The following ARLN variants were observed in gnomAD, a reference collection of about 807,000 sequenced individuals.
ARLN encodes allregulin, also known as sarcoplasmic/endoplasmic reticulum calcium ATPase regulator ARLN.
At chr4:119,300,733 G>T in the ARLN span, 1 of 1,515,838 alleles carries the variant, frequency 6.6e-7, no homozygotes, top group Non-Finnish European at 8.8e-7. Flanking sequence ...CTCCGTGACC[G>T]CTGGCATGAA....
chr4:119,300,709 C>T, the ARLN span: 3 of 1,527,530 alleles, frequency 2.0e-6, no homozygotes, highest in East Asian at 2.5e-5. Flanking sequence ...GCGCCTGGCT[C>T]GGCTTTCCGC....
At chr4:119,304,280 C>T in the ARLN span, 14 of 1,536,748 alleles carry the variant, frequency 9.1e-6, no homozygotes, top group Non-Finnish European at 1.1e-5. Context: ...TTGTCTCCAC[C>T]TTCTATGTCA....
chr4:119,300,712 C>T, the ARLN span: 24 of 1,526,826 alleles, frequency 1.6e-5, no homozygotes, highest in East Asian at 9.8e-5. Flanking sequence ...CCTGGCTCGG[C>T]TTTCCGCTGC....
At chr4:119,298,890 G>C in the ARLN span, 1 of 637,606 alleles carries the variant, frequency 1.6e-6, no homozygotes, top group Non-Finnish European at 2.9e-6. Flanking sequence ...TTTCTTGTAA[G>C]GCCTCTATTT....
the ARLN span, chr4:119,298,237 C>A: frequency 6.6e-6 from 1 of 152,152 alleles, no homozygotes; most frequent in Non-Finnish European, 1.5e-5. Context: ...TGTCGCCCAC[C>A]CATAACCTAT....
chr4:119,300,192 C>A, the ARLN span: 1 of 693,206 alleles, frequency 1.4e-6, no homozygotes, highest in Non-Finnish European at 2.5e-6. Flanking sequence ...GTCCTTCTCC[C>A]CCACCCACCC....
At chr4:119,297,943 G>A in the ARLN span, 1 of 152,590 alleles carries the variant, frequency 6.6e-6, no homozygotes, top group Non-Finnish European at 1.5e-5. Context: ...GTTCACTGCT[G>A]TGTCTAAAAT....
the ARLN span, among the ~76,000 whole-genome samples, chr4:119,302,750 A>G: frequency 2.1e-4 from 32 of 152,356 alleles, no homozygotes; most frequent in African/African-American, 7.7e-4. Flanking sequence ...TGTCAGCACA[A>G]TTAATCTGAT....
At chr4:119,301,112 A>C in the ARLN span, among the ~76,000 whole-genome samples, 1,151 of 151,770 alleles carry the variant, frequency 7.6e-3, 12 homozygotes, top group African/African-American at 0.026. Flanking sequence ...ACTTCAAGGG[A>C]GTGGGTTTAA....
the ARLN span, chr4:119,298,767 T>C: frequency 4.3e-5 from 33 of 774,252 alleles, no homozygotes; most frequent in Admixed American, 6.9e-5. Flanking sequence ...AATTTAGATA[T>C]CAGCGAACAA....
the ARLN span, chr4:119,300,395 G>A: frequency 6.2e-7 from 1 of 1,613,646 alleles, no homozygotes; most frequent in Non-Finnish European, 8.5e-7. Context: ...AAAGCCAGAG[G>A]TCCAACCAGT....
the ARLN span, among the ~76,000 whole-genome samples, chr4:119,299,890 G>A: frequency 6.6e-6 from 1 of 152,128 alleles, no homozygotes; most frequent in Non-Finnish European, 1.5e-5. Flanking sequence ...TTAAACAGCT[G>A]TATAGTAAAA....
the ARLN span, among the ~76,000 whole-genome samples, chr4:119,303,307 C>G: frequency 2.7e-5 from 4 of 149,004 alleles, no homozygotes; most frequent in Middle Eastern, 0.014. Context: ...GATCTTGGCT[C>G]ACTGCAACCT....
At chr4:119,300,618 G>T in the ARLN span, 1 of 1,600,936 alleles carries the variant, frequency 6.2e-7, no homozygotes, top group Admixed American at 1.7e-5. Context: ...ACCGGAAACT[G>T]AGCGGAGTCC....
At chr4:119,301,475 G>A in the ARLN span, among the ~76,000 whole-genome samples, 3 of 152,070 alleles carry the variant, frequency 2.0e-5, no homozygotes, top group African/African-American at 4.8e-5. Context: ...TTGACTTTGA[G>A]TGTGAGCCTC....
the ARLN span, chr4:119,304,373 T>C: frequency 6.5e-7 from 1 of 1,536,944 alleles, no homozygotes; most frequent in Non-Finnish European, 8.7e-7. Context: ...TTTGCCTTCC[T>C]TTGGCACCTA....
At chr4:119,304,195 CTT>C in the ARLN span, 1 of 1,384,788 alleles carries the variant, frequency 7.2e-7, no homozygotes, top group Admixed American at 2.2e-5. Flanking sequence ...ATAAAATTTC[CTT>C]CACTACAATT....
chr4:119,300,505 G>A, the ARLN span: 1 of 1,613,960 alleles, frequency 6.2e-7, no homozygotes, highest in Non-Finnish European at 8.5e-7. Context: ...AGACCATCTC[G>A]ACCATCAACA....
chr4:119,299,683 G>C, the ARLN span, among the ~76,000 whole-genome samples: 1 of 152,164 alleles, frequency 6.6e-6, no homozygotes, highest in Non-Finnish European at 1.5e-5. Context: ...ACAGAATTTT[G>C]TAACTTGGTG....
Sources: gnomAD v4.1 joint callset for allele counts (sites outside exome capture counted in the v4.1 genomes callset) on GRCh38, gnomAD v4.1.1 for gene constraint, MANE v1.5 for transcripts, NCBI Gene and HGNC (gene_info 2026-07-23, HGNC 2026-07-21) for gene names.